Variants in FAT1 observed in about 807,000 individuals in gnomAD.
FAT1 encodes protocadherin Fat 1.
Under a neutral mutation model 329.8 loss-of-function variants are expected in FAT1, and 171 were observed. That is an observed-to-expected ratio of 0.52 (90% CI 0.46 to 0.59). The LOEUF (loss-of-function observed/expected upper bound fraction) is 0.59, where lower values mean the gene tolerates loss of function less well. Ranked by LOEUF, FAT1 falls within the 20% of genes least tolerant of loss-of-function variation. The pLI is 0.00. For missense variants in FAT1, 5,672 were observed against 5,774.4 expected, an observed-to-expected ratio of 0.98 and a Z score of 0.57; for synonymous variants, 2,233 against 2,228.6, an observed-to-expected ratio of 1.00 and a Z score of -0.06.
At chr4:186,724,338 T>C (rs1745632339), upstream of FAT1, among the ~76,000 whole-genome samples, 1 of 152,008 alleles carries the variant, frequency 6.6e-6, no homozygotes, top group South Asian at 2.1e-4. This position sits in a 1 kb window ranked among gnomAD's most constrained non-coding sequence, Gnocchi z 5.3. Flanking sequence ...AAGTCGTCCT[T>C]CAGGTCTCCA....
rs367573644 is a variant in FAT1, at chr4:186,620,204, G to T, written c.6382C>A (p.Gln2128Lys). The change falls in exon 10 of 27, where the codon CAA becomes AAA. Residue 2128 changes from glutamine (Q) to lysine (K), a missense_variant. This residue lies in a region of FAT1 where 3,966 missense variants were observed against 3,915.2 expected (regional missense o/e 1.01). Transcript: ENST00000441802. ...GAAATTTCACCCAAGGGTCCAATTTGAAAGTGTTCATGATGTTCCTTGAGG... is the reference window on the plus strand; with the variant it reads ...GAAATTTCACCCAAGGGTCCAATTTTAAAGTGTTCATGATGTTCCTTGAGG... ...YYLKEHHEHF[Q>K]IGPLGEISLK... 3 of 1,614,016 alleles carry T rather than the reference G, an allele frequency of 1.9e-6. No individual in the cohort carries two copies. The South Asian group carries it at 3.3e-5, about 18-fold the overall frequency.
At chr4:186,614,556 C>CA (rs1739614602) in intron 11 of FAT1, among the ~76,000 whole-genome samples, 1 of 152,170 alleles carries the variant, frequency 6.6e-6, no homozygotes, top group Non-Finnish European at 1.5e-5. Flanking sequence ...CCACCAGCTC[C>CA]ACATCCCTGA....
At position 186,620,897 on chromosome 4, in the gene FAT1, T is replaced by C. The variant is rs778185355; in HGVS notation, c.5689A>G (p.Lys1897Glu). The change falls in exon 10 of 27, where the codon AAA becomes GAA. Residue 1897 changes from lysine to glutamate, a missense_variant. Around this residue, in one of 2 missense-constraint regions of FAT1, gnomAD observed 3,966 missense variants for 3,915.2 expected, o/e 1.01. Transcript: ENST00000441802. ...TCTGTAGCATTTACTGTGATGACTT[T>C]TACTCCTTTGTATGTTGGTAACAAA... Reference protein sequence around the residue: ...SLLLPTYKGVKVITVNATDAD... With the variant: ...SLLLPTYKGVEVITVNATDAD... 2.5e-6 allele frequency: 4 copies of C among 1,614,022 alleles called. No individual in the cohort carries two copies. Among genetic ancestry groups the C allele is most frequent in the Admixed American group, 1.7e-5 (1 of 60,026 alleles).
At chr4:186,724,140 T>C (rs1411609533), upstream of FAT1, among the ~76,000 whole-genome samples, 1 of 124,214 alleles carries the variant, frequency 8.1e-6, no homozygotes, top group East Asian at 2.4e-4. The surrounding 1 kb of genome is among the most constrained non-coding windows in gnomAD (Gnocchi z 5.3). Flanking sequence ...GTGCAAGGAA[T>C]TGGGGAAAGC....
Position 186,709,930 on chromosome 4 carries a change from A to G in FAT1, c.-18-85T>C, listed in dbSNP as rs146374892. The G allele has an allele frequency of 1.5e-4, 197 of 1,278,018 alleles. No homozygotes were observed. In the African/African-American group the frequency reaches 2.8e-3, roughly 18 times the overall value. The allele number at this position is 1,278,018 out of a possible 1,614,324, so 79.2% of individuals were successfully genotyped here. ...CATTGTTTTAAACTTCTCATTAAAA[A>G]AATATTTTCCATACACATGGAATAT... On this transcript the variant is annotated intron_variant, in intron 1 of 26. Transcript: ENST00000441802.
chr4:186,693,172 G>A (rs1324480362), intron 2 of FAT1, among the ~76,000 whole-genome samples: 1 of 152,186 alleles, frequency 6.6e-6, no homozygotes, highest in Non-Finnish European at 1.5e-5. Flanking sequence ...CGTTATGTAA[G>A]ACAGAAAAGT....
At chr4:186,640,437 T>C (rs531672048) in intron 3 of FAT1, among the ~76,000 whole-genome samples, 4 of 152,274 alleles carry the variant, frequency 2.6e-5, no homozygotes, top group East Asian at 1.9e-4. Flanking sequence ...ATCTCATCCA[T>C]CTCCTTTAAC....
intron 22 of FAT1, 138 bp from the exon 23 acceptor site, chr4:186,598,263 T>C (rs1382948193): frequency 3.7e-6 from 3 of 817,982 alleles, no homozygotes; most frequent in Non-Finnish European, 5.5e-6. Flanking sequence ...GGAAAAAAGT[T>C]GGCTACATCA....
chr4:186,708,215 A>C lies in FAT1; in HGVS notation c.1613T>G (p.Ile538Ser). 6.2e-7 allele frequency: 1 copy of C among 1,613,984 alleles called. No homozygotes were observed. ...CGGCAAGCCCCAGTCTGATGCACGA[A>C]TCCTCAGAGTATAAACCCGAGGCAT... ...ELMPRVYTLR[I>S]RASDWGLPYR... Residue 538 changes from isoleucine (I) to serine (S), a missense_variant, in exon 2 of 27, where the codon ATT (isoleucine) becomes AGT (serine). Transcript: ENST00000441802.
intron 3 of FAT1, among the ~76,000 whole-genome samples, chr4:186,659,640 C>A (rs538003631): frequency 6.9e-6 from 1 of 144,352 alleles, no homozygotes; most frequent in Admixed American, 7.1e-5. Context: ...CCTGAACAAC[C>A]CTGGGCGCTC....
intron 14 of FAT1, 118 bp from the exon 15 acceptor site, chr4:186,610,133 C>T (rs1739334332): frequency 4.8e-6 from 3 of 621,680 alleles, no homozygotes; most frequent in Non-Finnish European, 8.4e-6. Context: ...AGTTTACTTA[C>T]CATTTACGTA....
At chr4:186,679,416 CAAAAAAAAAAAA>C (rs1169141587) in intron 2 of FAT1, among the ~76,000 whole-genome samples, 2 of 50,310 alleles carry the variant, frequency 4.0e-5, no homozygotes, top group African/African-American at 6.0e-5. Context: ...GACTCTGTCT[CAAAAAAAAAAAA>C]AAAAAAAAAA....
chr4:186,707,294 T>G lies in FAT1; in HGVS notation c.2534A>C (p.Glu845Ala), dbSNP rs1460063461. ...GGGCCCCAGGTCTTTATCTGTGGCT[T>G]CAACCTGGATGATTTCACTATGTAC... Reference protein sequence around the residue: ...KEVHSEIIQVEATDKDLGPNG... With the variant: ...KEVHSEIIQVAATDKDLGPNG... The change falls in exon 2 of 27, where the codon GAA becomes GCA. Residue 845 changes from glutamate to alanine, a missense_variant. Coordinates refer to ENST00000441802, the MANE Select transcript of FAT1 (RefSeq NM_005245.4). The G allele has an allele frequency of 1.2e-6, 2 of 1,613,876 alleles. No homozygotes were observed. The highest frequency in any genetic ancestry group is 1.3e-5 in the African/African-American group (1 of 74,922).
At chr4:186,680,436 A>G (rs74511808) in intron 2 of FAT1, among the ~76,000 whole-genome samples, 21,128 of 152,194 alleles carry the variant, frequency 0.14, 1,626 homozygotes, top group East Asian at 0.26. Flanking sequence ...GGCTTTAATT[A>G]CACACGACCG....
chr4:186,714,444 C>T (rs569092437), intron 1 of FAT1, among the ~76,000 whole-genome samples: 3 of 152,112 alleles, frequency 2.0e-5, no homozygotes, highest in East Asian at 1.9e-4. Context: ...GGAACAGCTA[C>T]GGGCTATCCA....
rs998714991 is a variant in FAT1, at chr4:186,636,487, C to T, written c.3972+98G>A. 169 of 1,298,684 alleles carry T rather than the reference C, an allele frequency of 1.3e-4. 1 individual carries two copies. The highest frequency in any genetic ancestry group is 1.2e-4 in the East Asian group (5 of 43,178). 80.4% of individuals were successfully genotyped at this position (1,298,684 alleles called of 1,614,324 possible). A position where few individuals can be genotyped will look rare whatever the true frequency, so the allele number is the denominator to read the frequency against. On this transcript the variant is annotated intron_variant, in intron 5 of 26. Transcript: ENST00000441802. ...GCCAGCAGGTCACAAACACTTCAGC[C>T]GTTTACAAAATAGAAATAAAGTTAC...
chr4:186,721,926 C>T (rs1233896537), intron 1 of FAT1, among the ~76,000 whole-genome samples: 1 of 152,168 alleles, frequency 6.6e-6, no homozygotes, highest in Non-Finnish European at 1.5e-5. Context: ...ACAACCTCCG[C>T]CTCCCGGGTT....
At chr4:186,624,006 T>C (rs1347020772) in intron 9 of FAT1, among the ~76,000 whole-genome samples, 1 of 152,044 alleles carries the variant, frequency 6.6e-6, no homozygotes, top group Admixed American at 6.5e-5. Context: ...AATCATCAGA[T>C]TTGCAGGTGG....
intron 7 of FAT1, among the ~76,000 whole-genome samples, chr4:186,631,620 G>A (rs2126551631): frequency 6.7e-6 from 1 of 149,224 alleles, no homozygotes; most frequent in African/African-American, 2.5e-5. Context: ...CCTCCCAGCT[G>A]ACTCCTGTGC....
Sources: allele counts gnomAD v4.1 joint callset (sites outside exome capture counted in the v4.1 genomes callset), GRCh38; gene constraint gnomAD v4.1.1; regional missense constraint gnomAD v4.1.1; non-coding constraint Gnocchi (gnomAD v3.1); transcripts MANE v1.5; gene names NCBI Gene and HGNC (gene_info 2026-07-23, HGNC 2026-07-21).